LPA: variants seen among roughly 807,000 people sequenced by gnomAD.
LPA encodes the protein lipoprotein(a).
Under a neutral mutation model 197.9 loss-of-function variants are expected in LPA, and 199 were observed. That is an observed-to-expected ratio of 1.01 (90% CI 0.90 to 1.13). The LOEUF is 1.13. LPA is among the 50% of genes most tolerant of loss of function. The probability of loss-of-function intolerance (pLI) is 0.00; values close to 1 mark genes in which losing one functional copy is unlikely to be tolerated. For missense variants in LPA, 1,853 were observed against 1,785.8 expected (o/e 1.04, Z -0.68); for synonymous variants, 715 against 639.5 (o/e 1.12, Z -1.78).
chr6:160,595,594 G>C, intron 20 of LPA, 59 bp from the exon 21 acceptor site: 1 of 1,612,220 alleles, frequency 6.2e-7, no homozygotes, highest in Non-Finnish European at 8.5e-7. Context: ...AGGGCACTTA[G>C]CGCCCTCTAC....
rs188158413 is a variant in LPA, at chr6:160,655,526, G to A, written c.50-5029C>T. 1.1e-4 allele frequency among the ~76,000 whole-genome samples: 16 copies of A among 152,246 alleles called. No individual in the cohort carries two copies. In the East Asian group the frequency reaches 1.7e-3, roughly 17 times the overall value. On this transcript the variant is annotated intron_variant, in intron 1 of 38. Transcript: ENST00000316300. Reference sequence around the variant, plus strand: ...ATGGGCCAGAGTAACACACCCAAACGAGGAATGTGTTGCCTCCAAAATCCA... The same window carrying A: ...ATGGGCCAGAGTAACACACCCAAACAAGGAATGTGTTGCCTCCAAAATCCA...
At chr6:160,634,577 C>T (rs938456395) in intron 7 of LPA, among the ~76,000 whole-genome samples, 11 of 144,402 alleles carry the variant, frequency 7.6e-5, no homozygotes, top group African/African-American at 2.2e-4. Flanking sequence ...GGTTTAAGAA[C>T]ACTGAGAAAT....
At chr6:160,608,184 A>C (rs965587492) in intron 16 of LPA, among the ~76,000 whole-genome samples, 7 of 152,172 alleles carry the variant, frequency 4.6e-5, no homozygotes, top group Non-Finnish European at 8.8e-5. Flanking sequence ...CATGGGCTGC[A>C]GAAAGTTCCC....
intron 1 of LPA, among the ~76,000 whole-genome samples, chr6:160,653,956 AT>A (rs1780054113): frequency 2.1e-5 from 1 of 47,532 alleles, no homozygotes; most frequent in African/African-American, 9.6e-5. Context: ...TATATTATAT[AT>A]AATATATATT....
At chr6:160,536,978 A>C (rs1014829462) in intron 37 of LPA, among the ~76,000 whole-genome samples, 2 of 152,212 alleles carry the variant, frequency 1.3e-5, no homozygotes, top group Non-Finnish European at 2.9e-5. Flanking sequence ...AAGGGATTAG[A>C]GCCAAGTGGT....
intron 28 of LPA, 62 bp downstream of exon 28, chr6:160,577,074 G>T (rs1354604894): frequency 1.3e-6 from 2 of 1,589,258 alleles, no homozygotes; most frequent in Admixed American, 1.7e-5. Context: ...TTAAAGCATG[G>T]GTCTTCTAAC....
intron 18 of LPA, among the ~76,000 whole-genome samples, chr6:160,602,481 T>A (rs187815362): frequency 1.3e-5 from 2 of 152,250 alleles, no homozygotes; most frequent in African/African-American, 2.4e-5. Context: ...TATATTGCTA[T>A]CATTTTGCTT....
At chr6:160,576,369 T>TAC (rs1485536877) in intron 28 of LPA, among the ~76,000 whole-genome samples, 346 of 11,326 alleles carry the variant, frequency 0.031, 4 homozygotes, top group South Asian at 0.066. Flanking sequence ...TATATATACA[T>TAC]ATATATATAT....
At chr6:160,538,541 A>G (rs978002301) in intron 36 of LPA, among the ~76,000 whole-genome samples, 10 of 152,224 alleles carry the variant, frequency 6.6e-5, no homozygotes, top group African/African-American at 2.4e-4. Context: ...GGACATTCAT[A>G]TACCTTAGAA....
intron 28 of LPA, among the ~76,000 whole-genome samples, chr6:160,560,636 G>T (rs1778344769): frequency 1.3e-5 from 2 of 148,630 alleles, no homozygotes; most frequent in South Asian, 2.1e-4. Flanking sequence ...TGATGGGGTT[G>T]TTTTTTTTTT....
In LPA at chr6:160,543,768, T is replaced by C. The variant is rs572009385; in HGVS notation, c.5399-960A>G. Among the ~76,000 whole-genome samples, 4 of 152,378 alleles carry C rather than the reference T, an allele frequency of 2.6e-5. No homozygotes were observed. The South Asian group carries it at 8.3e-4, about 32-fold the overall frequency. On this transcript the variant is annotated intron_variant, in intron 33 of 38. Coordinates refer to ENST00000316300, the MANE Select transcript of LPA (RefSeq NM_005577.4). ...ACTGAATGTTTCTATTTATTTTTAC[T>C]TATTTATTATTCGTACTGAATGTGT...
At chr6:160,598,836 G>C (rs966677840) in intron 20 of LPA, among the ~76,000 whole-genome samples, 4 of 152,188 alleles carry the variant, frequency 2.6e-5, no homozygotes, top group African/African-American at 9.7e-5. Context: ...GACCCAAGAT[G>C]CAAAAGGCCA....
chr6:160,643,130 G>C (rs1779869332), intron 4 of LPA, among the ~76,000 whole-genome samples: 1 of 148,386 alleles, frequency 6.7e-6, no homozygotes, highest in Non-Finnish European at 1.5e-5. Context: ...CATTCTGTAG[G>C]TTCTCTAGAA....
Position 160,593,981 on chromosome 6 carries a change from C to A in LPA, c.3606G>T (p.Arg1202Ser). Residue 1202 changes from arginine (R) to serine (S), a missense_variant, in exon 22 of 39, where the codon AGG becomes AGT. This residue lies in a region of LPA where 1,737 missense variants were observed against 1,504.4 expected (regional missense o/e 1.15). Coordinates refer to ENST00000316300, the MANE Select transcript of LPA (RefSeq NM_005577.4). ...ACCCATTTGGATAATATTCTGTTGT[C>A]CTCTGATGCCAGTGTGGTGTCATAG... ...WSSMTPHWHQ[R>S]TTEYYPNGGL... 6.2e-7 allele frequency: 1 copy of A among 1,613,890 alleles called. No homozygotes were observed. The highest frequency in any genetic ancestry group is 8.5e-7 in the Non-Finnish European group (1 of 1,179,834).
chr6:160,650,084 A>C (rs913120314), intron 2 of LPA, among the ~76,000 whole-genome samples: 2 of 152,184 alleles, frequency 1.3e-5, no homozygotes, highest in African/African-American at 4.8e-5. Context: ...CTGTCTAAAC[A>C]TTCTGATTTT....
chr6:160,580,131 A>G (rs775507277), intron 26 of LPA, among the ~76,000 whole-genome samples: 21 of 152,218 alleles, frequency 1.4e-4, no homozygotes, highest in Non-Finnish European at 2.5e-4. Context: ...GGACTCATAC[A>G]GACTATACAC....
chr6:160,654,036 T>TATATATA (rs1780074304), intron 1 of LPA, among the ~76,000 whole-genome samples: 2 of 10,772 alleles, frequency 1.9e-4, no homozygotes, highest in African/African-American at 6.0e-4. Flanking sequence ...TAATATATAT[T>TATATATA]ATATATAATA....
intron 26 of LPA, among the ~76,000 whole-genome samples, chr6:160,584,648 G>T (rs1778873212): frequency 6.6e-6 from 1 of 151,948 alleles, no homozygotes; most frequent in African/African-American, 2.4e-5. Flanking sequence ...TGTTACTTCT[G>T]ATTCGTGTCA....
At position 160,605,121 on chromosome 6, in the gene LPA, G is replaced by C. The variant is rs777900381; in HGVS notation, c.2870C>G (p.Thr957Arg). Reference protein sequence around the residue: ...SYQGTYFITVTGRTCQAWSSM... With the variant: ...SYQGTYFITVRGRTCQAWSSM... Reference sequence around the variant, plus strand: ...TGACCAAGCTTGGCAGGTTCTTCCTGTGACAGTAATGAAGTATGTGCCTTG... The same window carrying C: ...TGACCAAGCTTGGCAGGTTCTTCCTCTGACAGTAATGAAGTATGTGCCTTG... Residue 957 changes from threonine to arginine, a missense_variant, in exon 18 of 39, where the codon ACA becomes AGA. Thr to Arg is a moderately conservative substitution (Grantham distance 71). Coordinates refer to ENST00000316300, the MANE Select transcript of LPA (RefSeq NM_005577.4). 2.0e-5 allele frequency: 32 copies of C among 1,613,870 alleles called. No individual in the cohort carries two copies. The highest frequency in any genetic ancestry group is 6.7e-5 in the African/African-American group (5 of 74,928).
Sources: allele counts gnomAD v4.1 joint callset (sites outside exome capture counted in the v4.1 genomes callset), GRCh38; gene constraint gnomAD v4.1.1; regional missense constraint gnomAD v4.1.1; transcripts MANE v1.5; gene names NCBI Gene and HGNC (gene_info 2026-07-23, HGNC 2026-07-21).